Variants in LRMDA observed in about 807,000 individuals in gnomAD.
The protein encoded by LRMDA is leucine-rich melanocyte differentiation-associated protein.
In LRMDA, 18 loss-of-function variants were observed where a neutral mutation model predicts 29.8. The observed-to-expected ratio is 0.60, with a 90% CI of 0.42 to 0.90. The LOEUF is 0.90. Among genes scored for constraint, LRMDA ranks in the 40% least tolerant of loss-of-function variants. The pLI, the probability that LRMDA is intolerant of heterozygous loss-of-function variation, is 0.00. For synonymous variants in LRMDA, 125 were observed against 109.4 expected (o/e 1.14, Z -0.89); for missense variants, 273 against 273.9 (o/e 1.00, Z 0.02).
At chr10:75,951,059 G>A (rs761698682) in intron 2 of LRMDA, among the ~76,000 whole-genome samples, 1 of 152,128 alleles carries the variant, frequency 6.6e-6, no homozygotes, top group Non-Finnish European at 1.5e-5. Flanking sequence ...TTGGCTCCAC[G>A]TGTCATTCCT....
At chr10:76,242,762 G>A (rs1404748319) in intron 5 of LRMDA, among the ~76,000 whole-genome samples, 1 of 152,162 alleles carries the variant, frequency 6.6e-6, no homozygotes, top group Admixed American at 6.5e-5. Context: ...ATATCTTTCT[G>A]GGGGATACAA....
At chr10:75,996,909 CT>C (rs1423563101) in intron 2 of LRMDA, among the ~76,000 whole-genome samples, 1 of 151,766 alleles carries the variant, frequency 6.6e-6, no homozygotes, top group African/African-American at 2.4e-5. Flanking sequence ...ATTTTTTGTA[CT>C]TTTAGTAGAG....
chr10:76,387,046 T>A (rs1841668078), intron 6 of LRMDA, among the ~76,000 whole-genome samples: 1 of 152,206 alleles, frequency 6.6e-6, no homozygotes, highest in Admixed American at 6.5e-5. Flanking sequence ...ACTTAATAAA[T>A]GTTAGGGCAC....
At chr10:76,223,712 A>T (rs1040688259) in intron 5 of LRMDA, among the ~76,000 whole-genome samples, 5 of 152,052 alleles carry the variant, frequency 3.3e-5, no homozygotes, top group African/African-American at 2.4e-5. Flanking sequence ...AACCATGCTG[A>T]CACCTGATTT....
At chr10:76,043,794 G>A (rs543534127) in intron 3 of LRMDA, among the ~76,000 whole-genome samples, 4 of 152,306 alleles carry the variant, frequency 2.6e-5, no homozygotes, top group African/African-American at 9.6e-5. Context: ...ATCCAACTCA[G>A]TTTCCCAATA....
At chr10:76,068,928 G>T (rs1376625243) in intron 5 of LRMDA, among the ~76,000 whole-genome samples, 1 of 152,132 alleles carries the variant, frequency 6.6e-6, no homozygotes, top group Non-Finnish European at 1.5e-5. Flanking sequence ...CACAAGAGAG[G>T]GGCTTCTCAT....
chr10:76,086,339 A>G (rs1453093749), intron 5 of LRMDA, among the ~76,000 whole-genome samples: 1 of 152,150 alleles, frequency 6.6e-6, no homozygotes, highest in East Asian at 1.9e-4. Flanking sequence ...GGCTATGTCA[A>G]TGGGGCTGGT....
chr10:75,671,388 C>T (rs1221922939), intron 2 of LRMDA, among the ~76,000 whole-genome samples: 7 of 152,158 alleles, frequency 4.6e-5, no homozygotes, highest in African/African-American at 1.7e-4. Flanking sequence ...CACAGCTCCT[C>T]TTACCAAGAT....
chr10:75,763,760 G>C (rs1843126875), intron 2 of LRMDA, among the ~76,000 whole-genome samples: 1 of 151,036 alleles, frequency 6.6e-6, no homozygotes, highest in Non-Finnish European at 1.5e-5. Context: ...TCCTAAACCT[G>C]GTTGGGAGGT....
intron 6 of LRMDA, among the ~76,000 whole-genome samples, chr10:76,461,477 T>C (rs1360453404): frequency 6.6e-6 from 1 of 152,172 alleles, no homozygotes; most frequent in Non-Finnish European, 1.5e-5. Flanking sequence ...ATGATTCCCA[T>C]GAAATAAAGA....
At chr10:76,116,470 C>A (rs1010633407) in intron 5 of LRMDA, among the ~76,000 whole-genome samples, 55 of 152,078 alleles carry the variant, frequency 3.6e-4, no homozygotes, top group African/African-American at 1.2e-3. Flanking sequence ...CCCCAGGCTT[C>A]CTATTTCCGG....
intron 6 of LRMDA, among the ~76,000 whole-genome samples, chr10:76,532,902 G>A (rs1298001521): frequency 6.6e-6 from 1 of 152,064 alleles, no homozygotes; most frequent in Non-Finnish European, 1.5e-5. Flanking sequence ...CTAATTGTGT[G>A]TTTCTCAGAT....
chr10:76,199,125 AATAC>A (rs1488972603), intron 5 of LRMDA, among the ~76,000 whole-genome samples: 1 of 152,152 alleles, frequency 6.6e-6, no homozygotes, highest in Non-Finnish European at 1.5e-5. Flanking sequence ...TGTGCCTAAA[AATAC>A]AGATGTCATC....
At chr10:75,626,462 A>T (rs1457458604) in intron 2 of LRMDA, among the ~76,000 whole-genome samples, 1 of 152,194 alleles carries the variant, frequency 6.6e-6, no homozygotes, top group Non-Finnish European at 1.5e-5. Flanking sequence ...GAGACTATGA[A>T]TTGAGGAAGA....
At chr10:75,831,304 C>G (rs1053108049) in intron 2 of LRMDA, among the ~76,000 whole-genome samples, 1 of 152,148 alleles carries the variant, frequency 6.6e-6, no homozygotes, top group Non-Finnish European at 1.5e-5. Context: ...ATCTTGGTCT[C>G]CCAAAGTGCT....
At chr10:76,132,992 T>G (rs1302081380) in intron 5 of LRMDA, among the ~76,000 whole-genome samples, 3 of 141,014 alleles carry the variant, frequency 2.1e-5, no homozygotes, top group African/African-American at 8.2e-5. Context: ...TTTTTTTTTT[T>G]TTGTATTTTT....
intron 5 of LRMDA, among the ~76,000 whole-genome samples, chr10:76,231,385 C>T (rs1218779175): frequency 6.6e-6 from 1 of 152,150 alleles, no homozygotes; most frequent in African/African-American, 2.4e-5. Flanking sequence ...AATCAAAGGG[C>T]TAGAAGATTG....
At chr10:75,537,648 C>T (rs1839965435) in intron 2 of LRMDA, among the ~76,000 whole-genome samples, 1 of 152,190 alleles carries the variant, frequency 6.6e-6, no homozygotes, top group South Asian at 2.1e-4. Flanking sequence ...CAGATGTGAT[C>T]AAAGTATTGA....
intron 5 of LRMDA, among the ~76,000 whole-genome samples, chr10:76,148,393 G>T (rs1046593790): frequency 6.6e-5 from 10 of 152,204 alleles, no homozygotes; most frequent in African/African-American, 2.4e-4. Context: ...GGGCAATGGC[G>T]GGAACCCCTC....
Sources: allele counts gnomAD v4.1 joint callset (sites outside exome capture counted in the v4.1 genomes callset), GRCh38; gene constraint gnomAD v4.1.1; transcripts MANE v1.5; gene names NCBI Gene and HGNC (gene_info 2026-07-23, HGNC 2026-07-21).